WDR27: variants seen among roughly 807,000 people sequenced by gnomAD.
The protein encoded by WDR27 is WD repeat domain 27.
A neutral mutation model predicts 114.4 loss-of-function variants in WDR27; 100 were observed. The observed-to-expected ratio is 0.87, with a 90% CI of 0.74 to 1.03. The LOEUF (loss-of-function observed/expected upper bound fraction) is 1.03. Among genes scored for constraint, WDR27 ranks in the 50% least tolerant of loss-of-function variants. The pLI is 0.00. For synonymous variants in WDR27, 449 were observed against 423.1 expected, an observed-to-expected ratio of 1.06 and a Z score of -0.75; for missense variants, 1,129 against 1,092.9, an observed-to-expected ratio of 1.03 and a Z score of -0.47.
chr6:169,564,815 A>G (rs1446712590), intron 25 of WDR27, among the ~76,000 whole-genome samples: 2 of 151,920 alleles, frequency 1.3e-5, no homozygotes, highest in Non-Finnish European at 2.9e-5. Flanking sequence ...CCCTGCCCCC[A>G]TTCCGTCAGC....
chr6:169,699,944 T>C (rs1036876222), intron 1 of WDR27, among the ~76,000 whole-genome samples: 2 of 152,148 alleles, frequency 1.3e-5, no homozygotes, highest in East Asian at 3.9e-4. Flanking sequence ...ATTGTGCCAC[T>C]CTACTTCAAC....
intron 21 of WDR27, among the ~76,000 whole-genome samples, chr6:169,620,061 A>C (rs1562715982): frequency 6.6e-6 from 1 of 152,190 alleles, no homozygotes; most frequent in Non-Finnish European, 1.5e-5. Flanking sequence ...GGTTAAATAA[A>C]ACCCATCTGA....
At position 169,457,458 on chromosome 6, in the gene WDR27, A is replaced by C; in HGVS notation, c.*134T>G. 1.4e-6 allele frequency: 1 copy of C among 700,746 alleles called. No individual in the cohort carries two copies. The highest frequency in any genetic ancestry group is 2.3e-6 in the Non-Finnish European group (1 of 433,294). 43.4% of individuals were successfully genotyped at this position (700,746 alleles called of 1,614,324 possible). ...AGGGGAGGAGCTTGCAAACGGGGGA[A>C]ATCTGAGGCAAGTCTCAAAATATGA... On this transcript the variant is annotated 3_prime_UTR_variant, in exon 26 of 26. Coordinates refer to ENST00000448612, the MANE Select transcript of WDR27 (RefSeq NM_182552.5).
At chr6:169,445,082 G>A in the WDR27 span, among the ~76,000 whole-genome samples, 3 of 152,170 alleles carry the variant, frequency 2.0e-5, no homozygotes, top group Admixed American at 6.5e-5. Context: ...AAACAATAAC[G>A]ATGGCTGGCT....
At chr6:169,443,816 T>G in the WDR27 span, among the ~76,000 whole-genome samples, 1 of 152,166 alleles carries the variant, frequency 6.6e-6, no homozygotes, top group Non-Finnish European at 1.5e-5. Flanking sequence ...TCATGTATAC[T>G]AAGAACCTTG....
rs552466959 is a variant in WDR27, at chr6:169,649,228, C to G, written c.1529G>C (p.Gly510Ala). The change falls in exon 15 of 26, where the codon GGA (glycine) becomes GCA (alanine). Residue 510 changes from glycine (G) to alanine (A), a missense_variant. Physicochemically the swap from Gly to Ala is moderately conservative, Grantham distance 60. Transcript: ENST00000448612. ...PKTNIKSEGK[G>A]SSRSRSSCAR... is the part of the protein sequence containing the mutation. ...GCAGCTGCTCCTGCTCCTTGAAGAT[C>G]CTTTCCCCTCACTCTTGATGTTGGT... 2.5e-6 allele frequency: 4 copies of G among 1,578,272 alleles called. No individual in the cohort carries two copies. In the East Asian group the frequency reaches 9.2e-5, roughly 36 times the overall value.
At chr6:169,626,882 G>C (rs2079763108) in intron 21 of WDR27, among the ~76,000 whole-genome samples, 1 of 152,222 alleles carries the variant, frequency 6.6e-6, no homozygotes, top group African/African-American at 2.4e-5. Context: ...CCCCGCTGTG[G>C]ACGCCAACAG....
intron 25 of WDR27, among the ~76,000 whole-genome samples, chr6:169,493,683 T>A (rs971480432): frequency 6.6e-6 from 1 of 152,170 alleles, no homozygotes; most frequent in Non-Finnish European, 1.5e-5. Context: ...TATTTGGCGA[T>A]ACTGAACCCA....
chr6:169,659,321 C>A lies in WDR27; in HGVS notation c.1198-114G>T, dbSNP rs1253875528. On this transcript the variant is annotated intron_variant, in intron 11 of 25. Coordinates refer to ENST00000448612, the MANE Select transcript of WDR27 (RefSeq NM_182552.5). The surrounding 1 kb of genome is among the most constrained non-coding windows in gnomAD (Gnocchi z 4.3). Reference sequence around the variant, plus strand: ...TTCATTCTCATAGCAGCGACATCGCCCTGTCACTCCTAAAACGTTTTTACA... The same window carrying A: ...TTCATTCTCATAGCAGCGACATCGCACTGTCACTCCTAAAACGTTTTTACA... The A allele has an allele frequency of 1.3e-5, 20 of 1,558,578 alleles. No homozygotes were observed. The African/African-American group carries it at 1.6e-4, about 13-fold the overall frequency.
intron 16 of WDR27, 43 bp downstream of exon 16, chr6:169,647,730 C>T (rs1010323152): frequency 6.9e-7 from 1 of 1,446,200 alleles, no homozygotes; most frequent in African/African-American, 1.4e-5. Context: ...ATCAAAGACT[C>T]TTACAATGAA....
At chr6:169,582,814 C>G in intron 24 of WDR27, 22 bp downstream of exon 24, 1 of 1,594,150 alleles carries the variant, frequency 6.3e-7, no homozygotes, top group Non-Finnish European at 8.6e-7. Context: ...AGAGGCGCCC[C>G]ACCCACTCAG....
chr6:169,576,820 T>G (rs1273938118), intron 24 of WDR27, among the ~76,000 whole-genome samples: 1 of 151,340 alleles, frequency 6.6e-6, no homozygotes, highest in Non-Finnish European at 1.5e-5. Context: ...GGAAAGAAAT[T>G]ATTTTTCAAG....
chr6:169,456,927 G>C (rs192819731), downstream of WDR27, among the ~76,000 whole-genome samples: 2 of 151,556 alleles, frequency 1.3e-5, no homozygotes, highest in Admixed American at 1.3e-4. This position sits in a 1 kb window ranked among gnomAD's most constrained non-coding sequence, Gnocchi z 4.0. Context: ...TCACCACGCA[G>C]AACCCACAGG....
chr6:169,650,987 A>G (rs1245707994), intron 14 of WDR27, among the ~76,000 whole-genome samples: 1 of 152,100 alleles, frequency 6.6e-6, no homozygotes, highest in Non-Finnish European at 1.5e-5. Context: ...GAGAACAAGC[A>G]GAGCAGGGAA....
chr6:169,648,522 A>G (rs1562808192), intron 15 of WDR27, among the ~76,000 whole-genome samples: 1 of 152,272 alleles, frequency 6.6e-6, no homozygotes, highest in Non-Finnish European at 1.5e-5. Context: ...CGTGCGTAAT[A>G]TCAGGCAGAA....
At chr6:169,430,440 C>T in the WDR27 span, among the ~76,000 whole-genome samples, 1 of 152,212 alleles carries the variant, frequency 6.6e-6, no homozygotes, top group Admixed American at 6.5e-5. Flanking sequence ...TTGGGCTGAA[C>T]AACAGGAAAG....
At chr6:169,469,292 T>G (rs1009564517) in intron 25 of WDR27, among the ~76,000 whole-genome samples, 1 of 152,188 alleles carries the variant, frequency 6.6e-6, no homozygotes, top group Non-Finnish European at 1.5e-5. Context: ...GTTATATTTT[T>G]CCAAATTACA....
chr6:169,543,607 C>T (rs1351268647), intron 25 of WDR27, among the ~76,000 whole-genome samples: 4 of 152,000 alleles, frequency 2.6e-5, no homozygotes, highest in Non-Finnish European at 5.9e-5. Flanking sequence ...AGATGAATGG[C>T]ATGATTTTAT....
intron 2 of WDR27, among the ~76,000 whole-genome samples, chr6:169,675,469 AAT>A (rs1195959910): frequency 6.6e-6 from 1 of 152,168 alleles, no homozygotes; most frequent in African/African-American, 2.4e-5. Flanking sequence ...TTCTGAACCA[AAT>A]ATGAGTGACC....
Sources: gnomAD v4.1 joint callset for allele counts (sites outside exome capture counted in the v4.1 genomes callset) on GRCh38, gnomAD v4.1.1 for gene constraint, Gnocchi (gnomAD v3.1) non-coding constraint, MANE v1.5 for transcripts, NCBI Gene and HGNC (gene_info 2026-07-23, HGNC 2026-07-21) for gene names.